Variants in BST1 observed in about 807,000 individuals in gnomAD.
BST1 encodes the protein bone marrow stromal cell antigen 1, also known as ADP-ribosyl cyclase/cyclic ADP-ribose hydrolase 2.
BST1 carries 49 observed loss-of-function variants against 40.6 expected under a neutral mutation model. The observed-to-expected ratio is 1.21, with a 90% CI of 0.96 to 1.53. The LOEUF (loss-of-function observed/expected upper bound fraction) is 1.53, where lower values mean the gene tolerates loss of function less well. Among genes scored for constraint, BST1 ranks in the 40% most tolerant of loss-of-function variants. BST1 has a pLI of 0.00. For synonymous variants in BST1, 157 were observed against 159.3 expected (o/e 0.99, Z 0.11); for missense variants, 423 against 395.9 (o/e 1.07, Z -0.58).
the BST1 span, among the ~76,000 whole-genome samples, chr4:15,763,044 A>T: frequency 1.3e-5 from 2 of 151,978 alleles, no homozygotes; most frequent in African/African-American, 4.8e-5. Context: ...ATTACTTTTC[A>T]AAAAACCATG....
the BST1 span, among the ~76,000 whole-genome samples, chr4:15,768,854 C>G: frequency 6.6e-6 from 1 of 152,136 alleles, no homozygotes; most frequent in Non-Finnish European, 1.5e-5. Context: ...AAAAAGCCCT[C>G]CTGACAGCTG....
At chr4:15,744,362 C>A in the BST1 span, among the ~76,000 whole-genome samples, 2 of 152,132 alleles carry the variant, frequency 1.3e-5, no homozygotes, top group African/African-American at 4.8e-5. Flanking sequence ...AAAGGGGAAG[C>A]AAGGCACCTT....
At chr4:15,740,485 C>T (rs887462893), downstream of BST1, among the ~76,000 whole-genome samples, 2 of 152,042 alleles carry the variant, frequency 1.3e-5, no homozygotes, top group African/African-American at 2.4e-5. Context: ...GAAAGTCTTC[C>T]TTAAGTTGAA....
chr4:15,711,750 T>C, intron 3 of BST1, 57 bp from the exon 4 acceptor site: 1 of 1,368,910 alleles, frequency 7.3e-7, no homozygotes, highest in Non-Finnish European at 1.0e-6. Flanking sequence ...GTAAGTTAAT[T>C]CTTCTCTGAG....
At chr4:15,766,604 G>A in the BST1 span, among the ~76,000 whole-genome samples, 3 of 151,786 alleles carry the variant, frequency 2.0e-5, no homozygotes, top group Non-Finnish European at 1.5e-5. Context: ...TGTGGGAGGA[G>A]AAATCATGCA....
downstream of BST1, chr4:15,735,948 C>T (rs775946899): frequency 3.5e-6 from 2 of 573,722 alleles, no homozygotes; most frequent in Non-Finnish European, 5.3e-6. Context: ...AAAAAATCTA[C>T]ACAATACAGA....
intron 4 of BST1, among the ~76,000 whole-genome samples, chr4:15,713,895 G>T (rs1006764201): frequency 1.3e-5 from 2 of 151,982 alleles, no homozygotes; most frequent in Non-Finnish European, 2.9e-5. Context: ...GTTGAGATGG[G>T]TTTTTGCCAT....
At chr4:15,765,722 C>T in the BST1 span, among the ~76,000 whole-genome samples, 1 of 152,078 alleles carries the variant, frequency 6.6e-6, no homozygotes, top group African/African-American at 2.4e-5. Context: ...GATTTCACCT[C>T]ACCTTCTTCA....
chr4:15,738,730 G>A (rs1721657973), downstream of BST1, among the ~76,000 whole-genome samples: 1 of 152,140 alleles, frequency 6.6e-6, no homozygotes, highest in Admixed American at 6.6e-5. Flanking sequence ...TGGCCACCCT[G>A]GTAAGCTAAC....
At chr4:15,752,039 T>TA in the BST1 span, among the ~76,000 whole-genome samples, 1 of 152,114 alleles carries the variant, frequency 6.6e-6, no homozygotes, top group Admixed American at 6.6e-5. Context: ...CATAAAAGAT[T>TA]AAAAAACTTT....
the BST1 span, among the ~76,000 whole-genome samples, chr4:15,769,666 C>CTA: frequency 1.3e-5 from 2 of 151,820 alleles, no homozygotes; most frequent in African/African-American, 2.4e-5. Flanking sequence ...ATTTCTCTCT[C>CTA]TCTATATATA....
chr4:15,704,990 T>C (rs748595695), intron 1 of BST1: 1 of 765,954 alleles, frequency 1.3e-6, no homozygotes, highest in African/African-American at 1.7e-5. Flanking sequence ...TTACAAATGC[T>C]ATGGGAAATA....
chr4:15,744,511 C>G, the BST1 span, among the ~76,000 whole-genome samples: 1 of 152,206 alleles, frequency 6.6e-6, no homozygotes, highest in Non-Finnish European at 1.5e-5. Context: ...TCACCTCCAC[C>G]TGGTGTCTCT....
At chr4:15,749,836 C>T in the BST1 span, among the ~76,000 whole-genome samples, 2 of 152,072 alleles carry the variant, frequency 1.3e-5, no homozygotes, top group African/African-American at 4.8e-5. Flanking sequence ...TACAAACAAT[C>T]CAGTTATACT....
At chr4:15,749,487 T>A in the BST1 span, among the ~76,000 whole-genome samples, 1 of 152,302 alleles carries the variant, frequency 6.6e-6, no homozygotes, top group East Asian at 1.9e-4. Flanking sequence ...TTGCTACAGA[T>A]CTGCTTTCAT....
At chr4:15,736,091 G>T (rs985650906), downstream of BST1, 11 of 1,288,900 alleles carry the variant, frequency 8.5e-6, no homozygotes, top group Non-Finnish European at 1.1e-5. Flanking sequence ...GTGCGACCCA[G>T]AGCAGAACCA....
chr4:15,705,514 G>A lies in BST1; in HGVS notation c.189-1G>A, dbSNP rs755062466. On this transcript the variant is annotated splice_acceptor_variant, in intron 1 of 8. Coordinates refer to ENST00000265016, the MANE Select transcript of BST1 (RefSeq NM_004334.3). LOFTEE classifies it high-confidence loss of function. Reference sequence around the variant, plus strand: ...TCTTCCCAACTTGTACTTTTGCACAGGAACAAGAACTGCACAGCCATCTGG... The same window carrying A: ...TCTTCCCAACTTGTACTTTTGCACAAGAACAAGAACTGCACAGCCATCTGG... 2 of 1,569,980 alleles carry A rather than the reference G, an allele frequency of 1.3e-6. No homozygotes were observed. Among genetic ancestry groups the A allele is most frequent in the Non-Finnish European group, 1.7e-6 (2 of 1,161,422 alleles).
At chr4:15,725,326 A>G (rs1186424717) in intron 8 of BST1, among the ~76,000 whole-genome samples, 2 of 152,192 alleles carry the variant, frequency 1.3e-5, no homozygotes, top group African/African-American at 4.8e-5. Context: ...CAACAGACCC[A>G]TCATCTCCAG....
downstream of BST1, among the ~76,000 whole-genome samples, chr4:15,733,205 G>T (rs1228549341): frequency 6.6e-6 from 1 of 152,160 alleles, no homozygotes; most frequent in East Asian, 1.9e-4. Context: ...AGCGCTGATT[G>T]GTCCATTTTA....
Sources: gnomAD v4.1 joint callset for allele counts (sites outside exome capture counted in the v4.1 genomes callset) on GRCh38, gnomAD v4.1.1 for gene constraint, MANE v1.5 for transcripts, NCBI Gene and HGNC (gene_info 2026-07-23, HGNC 2026-07-21) for gene names.